C1QTNF3: variants seen among roughly 807,000 people sequenced by gnomAD.
C1QTNF3 encodes C1q and TNF related 3.
In C1QTNF3, 26 loss-of-function variants were observed where a neutral mutation model predicts 32.6. The observed-to-expected ratio is 0.80, with a 90% confidence interval of 0.58 to 1.11. The LOEUF (loss-of-function observed/expected upper bound fraction) is 1.11. C1QTNF3 is among the 50% of genes least tolerant of loss of function. The pLI is 0.00. For synonymous variants in C1QTNF3, 155 were observed against 146.0 expected, an observed-to-expected ratio of 1.06 and a Z score of -0.44; for missense variants, 362 against 398.2, an observed-to-expected ratio of 0.91 and a Z score of 0.77.
chr5:34,089,443 C>T, the C1QTNF3 span, among the ~76,000 whole-genome samples: 1 of 152,114 alleles, frequency 6.6e-6, no homozygotes, highest in African/African-American at 2.4e-5. Context: ...GGAATTGGTG[C>T]TCTTATAAAA....
At chr5:34,196,319 G>A in the C1QTNF3 span, among the ~76,000 whole-genome samples, 5 of 152,332 alleles carry the variant, frequency 3.3e-5, no homozygotes, top group South Asian at 2.1e-4. Context: ...GCTAATTTTC[G>A]TAGAGACAAG....
At chr5:34,244,601 A>G in the C1QTNF3 span, 1 of 152,122 alleles carries the variant, frequency 6.6e-6, no homozygotes, top group Non-Finnish European at 1.5e-5. Flanking sequence ...AGCACTGATT[A>G]GTGCGTTCAC....
intron 2 of C1QTNF3, among the ~76,000 whole-genome samples, chr5:34,034,898 A>T (rs2112114749): frequency 6.6e-6 from 1 of 152,364 alleles, no homozygotes; most frequent in South Asian, 2.1e-4. Context: ...AAAAGTAGAA[A>T]AAAAATTGAA....
At position 34,042,981 on chromosome 5, in the gene C1QTNF3, G is replaced by A. The variant is rs768533163; in HGVS notation, c.145C>T (p.Arg49Cys). Residue 49 changes from arginine (R) to cysteine (C), a missense_variant, in exon 1 of 6, where the codon CGT becomes TGT. Arg to Cys is a radical substitution (Grantham distance 180, BLOSUM62 -3). Coordinates refer to ENST00000382065, the MANE Select transcript of C1QTNF3 (RefSeq NM_181435.6). ...ACTTTCTCCCTCCTGGAGCCGCTAC[G>A]GCCAGTCTGCTGGTGGCTTTGCACT... Reference protein sequence around the residue: ...RIVQSHQQTGRSGSRREKVRE... With the variant: ...RIVQSHQQTGCSGSRREKVRE... 9.9e-6 allele frequency: 16 copies of A among 1,614,040 alleles called. No individual in the cohort carries two copies. Among genetic ancestry groups the A allele is most frequent in the African/African-American group, 2.7e-5 (2 of 74,924 alleles).
chr5:34,181,219 ACT>A, the C1QTNF3 span, among the ~76,000 whole-genome samples: 2 of 152,338 alleles, frequency 1.3e-5, no homozygotes, highest in African/African-American at 2.4e-5. Flanking sequence ...CCAAACCCAC[ACT>A]CTCCAATAGC....
the C1QTNF3 span, among the ~76,000 whole-genome samples, chr5:34,156,439 ATTCT>A: frequency 3.3e-5 from 5 of 152,222 alleles, no homozygotes; most frequent in East Asian, 1.9e-4. Flanking sequence ...TACTGTGATT[ATTCT>A]TTCTAATTGC....
the C1QTNF3 span, among the ~76,000 whole-genome samples, chr5:34,081,574 C>T: frequency 2.6e-5 from 4 of 150,956 alleles, no homozygotes; most frequent in East Asian, 1.9e-4. Context: ...TGTAGGTGAT[C>T]GCCCCAAAAT....
At chr5:34,094,023 T>C in the C1QTNF3 span, among the ~76,000 whole-genome samples, 45 of 152,308 alleles carry the variant, frequency 3.0e-4, no homozygotes, top group African/African-American at 1.1e-3. Flanking sequence ...GGAGCAATCC[T>C]GCATCACCAG....
the C1QTNF3 span, among the ~76,000 whole-genome samples, chr5:34,091,215 G>A: frequency 6.6e-6 from 1 of 152,242 alleles, no homozygotes; most frequent in Non-Finnish European, 1.5e-5. Flanking sequence ...CTGACATGCT[G>A]ACCTGTTGCA....
the C1QTNF3 span, among the ~76,000 whole-genome samples, chr5:34,083,345 TACA>T: frequency 6.6e-6 from 1 of 151,634 alleles, no homozygotes; most frequent in African/African-American, 2.4e-5. Context: ...AAAACTACAA[TACA>T]ACACCTATTT....
chr5:34,186,551 GAGTTCAGTGGCT>G, the C1QTNF3 span, among the ~76,000 whole-genome samples: 1 of 151,622 alleles, frequency 6.6e-6, no homozygotes, highest in East Asian at 2.0e-4. Context: ...GCCCAAGCTG[GAGTTCAGTGGCT>G]AGTGGCTATT....
chr5:34,223,711 T>C, the C1QTNF3 span, among the ~76,000 whole-genome samples: 1 of 151,066 alleles, frequency 6.6e-6, no homozygotes, highest in African/African-American at 2.4e-5. Context: ...TGATTGCCAT[T>C]CTAACTGGTG....
the C1QTNF3 span, among the ~76,000 whole-genome samples, chr5:34,170,440 C>A: frequency 6.6e-6 from 1 of 152,084 alleles, no homozygotes; most frequent in Non-Finnish European, 1.5e-5. Context: ...TCTCACCACA[C>A]ACATACACAC....
At chr5:34,219,363 C>A in the C1QTNF3 span, among the ~76,000 whole-genome samples, 2 of 151,278 alleles carry the variant, frequency 1.3e-5, no homozygotes, top group Non-Finnish European at 2.9e-5. Context: ...TTTCTTGTAT[C>A]CAGAGTTTCC....
At chr5:34,147,860 T>C in the C1QTNF3 span, among the ~76,000 whole-genome samples, 2 of 152,164 alleles carry the variant, frequency 1.3e-5, no homozygotes, top group African/African-American at 2.4e-5. Context: ...GGAGCCAAGA[T>C]GGCCGAATAG....
At chr5:34,172,056 A>T in the C1QTNF3 span, among the ~76,000 whole-genome samples, 1 of 152,312 alleles carries the variant, frequency 6.6e-6, no homozygotes, top group East Asian at 1.9e-4. Flanking sequence ...CATGCATGAC[A>T]TTTAATCTAT....
intron 1 of C1QTNF3, among the ~76,000 whole-genome samples, chr5:34,039,788 G>T (rs1232826497): frequency 6.6e-6 from 1 of 152,154 alleles, no homozygotes; most frequent in Non-Finnish European, 1.5e-5. Context: ...ATTTTCCAAA[G>T]CCTCAAATAA....
chr5:34,167,080 C>T, the C1QTNF3 span: 1 of 152,118 alleles, frequency 6.6e-6, no homozygotes, highest in East Asian at 1.9e-4. Context: ...CCTTTCTTTT[C>T]ACTGGGGTCT....
the C1QTNF3 span, among the ~76,000 whole-genome samples, chr5:34,214,230 ATGAT>A: frequency 6.6e-6 from 1 of 152,124 alleles, no homozygotes; most frequent in African/African-American, 2.4e-5. Flanking sequence ...ACATATATGA[ATGAT>A]TGAAAGCCAG....
Sources: gnomAD v4.1 joint callset for allele counts (sites outside exome capture counted in the v4.1 genomes callset) on GRCh38, gnomAD v4.1.1 for gene constraint, MANE v1.5 for transcripts, NCBI Gene and HGNC (gene_info 2026-07-23, HGNC 2026-07-21) for gene names.